Variants in MACROD2 observed in about 807,000 individuals in gnomAD.
The protein encoded by MACROD2 is mono-ADP ribosylhydrolase 2.
Under a neutral mutation model 70.4 loss-of-function variants are expected in MACROD2, and 36 were observed. The ratio of observed to expected loss-of-function variants is 0.51; its 90% CI spans 0.39 to 0.68. The LOEUF (loss-of-function observed/expected upper bound fraction) is 0.68. MACROD2 is among the 30% of genes least tolerant of loss of function. MACROD2 has a pLI of 0.00. For synonymous variants in MACROD2, 172 were observed against 178.8 expected (o/e 0.96, Z 0.30); for missense variants, 496 against 538.4 (o/e 0.92, Z 0.78).
chr20:15,349,449 T>C (rs2078202871), intron 6 of MACROD2, among the ~76,000 whole-genome samples: 1 of 152,094 alleles, frequency 6.6e-6, no homozygotes, highest in South Asian at 2.1e-4. Context: ...ATATCTTTCT[T>C]GGAACACACA....
At chr20:14,844,494 G>A (rs890581144) in intron 5 of MACROD2, among the ~76,000 whole-genome samples, 1 of 151,884 alleles carries the variant, frequency 6.6e-6, no homozygotes, top group Non-Finnish European at 1.5e-5. Flanking sequence ...TCCAGCCTTG[G>A]TGACAGAGCA....
chr20:15,155,715 A>G (rs1347770300), intron 5 of MACROD2, among the ~76,000 whole-genome samples: 1 of 152,194 alleles, frequency 6.6e-6, no homozygotes, highest in Non-Finnish European at 1.5e-5. Context: ...AATACTTAAA[A>G]GAGTTCTTGT....
intron 6 of MACROD2, among the ~76,000 whole-genome samples, chr20:15,351,941 CA>C (rs1174834867): frequency 6.6e-6 from 1 of 152,104 alleles, no homozygotes; most frequent in Non-Finnish European, 1.5e-5. Context: ...CTGGTACAAA[CA>C]GGTGGAAGAC....
chr20:14,491,779 G>A (rs898938182), intron 3 of MACROD2, among the ~76,000 whole-genome samples: 23 of 152,244 alleles, frequency 1.5e-4, no homozygotes, highest in African/African-American at 5.1e-4. Flanking sequence ...ATTTATTATT[G>A]TTGTTGGTTG....
chr20:15,934,908 C>T (rs777716704), intron 11 of MACROD2, among the ~76,000 whole-genome samples: 7 of 151,886 alleles, frequency 4.6e-5, no homozygotes, highest in Non-Finnish European at 8.8e-5. Flanking sequence ...ATGTTGGTCT[C>T]GAATTCCTGA....
intron 7 of MACROD2, among the ~76,000 whole-genome samples, chr20:15,453,710 C>T (rs2046675587): frequency 6.6e-6 from 1 of 152,110 alleles, no homozygotes; most frequent in Non-Finnish European, 1.5e-5. Flanking sequence ...TCAGAGGTGT[C>T]TGAAAACAGT....
intron 4 of MACROD2, among the ~76,000 whole-genome samples, chr20:14,554,894 T>A (rs1054834018): frequency 1.1e-4 from 16 of 152,118 alleles, no homozygotes; most frequent in Non-Finnish European, 8.8e-5. Flanking sequence ...TTTACTCATA[T>A]TAAATGCATG....
intron 3 of MACROD2, among the ~76,000 whole-genome samples, chr20:14,240,881 A>G (rs565720377): frequency 6.6e-6 from 1 of 152,332 alleles, no homozygotes; most frequent in South Asian, 2.1e-4. Context: ...CTGTAATCTC[A>G]GCACTTTGGG....
At chr20:15,474,354 G>A (rs1299520822) in intron 7 of MACROD2, among the ~76,000 whole-genome samples, 2 of 152,092 alleles carry the variant, frequency 1.3e-5, no homozygotes, top group Non-Finnish European at 2.9e-5. Context: ...CTTAATGAGC[G>A]AGGCTTCATG....
chr20:15,943,005 T>A (rs1601181840), intron 12 of MACROD2, among the ~76,000 whole-genome samples: 1 of 152,168 alleles, frequency 6.6e-6, no homozygotes, highest in East Asian at 1.9e-4. Context: ...AATTGCTGTT[T>A]TTGGTATTTA....
At chr20:15,445,847 AAG>A (rs2046558140) in intron 7 of MACROD2, among the ~76,000 whole-genome samples, 1 of 152,168 alleles carries the variant, frequency 6.6e-6, no homozygotes, top group Admixed American at 6.5e-5. Flanking sequence ...TATCAGAACC[AAG>A]ACCAATGTGT....
chr20:15,959,607 G>A (rs963520630), intron 12 of MACROD2, among the ~76,000 whole-genome samples: 2 of 152,112 alleles, frequency 1.3e-5, no homozygotes, highest in African/African-American at 2.4e-5. Context: ...TTGGCTCACC[G>A]CAACCTCCGC....
intron 5 of MACROD2, among the ~76,000 whole-genome samples, chr20:15,089,887 G>T (rs528789322): frequency 6.6e-6 from 1 of 152,248 alleles, no homozygotes; most frequent in East Asian, 1.9e-4. Context: ...CTCATAGGAA[G>T]TTCTTGCCTT....
intron 10 of MACROD2, among the ~76,000 whole-genome samples, chr20:15,928,902 G>A (rs2065531039): frequency 6.6e-6 from 1 of 152,110 alleles, no homozygotes; most frequent in Admixed American, 6.5e-5. Context: ...AATATAGATG[G>A]GGAAATACAA....
At chr20:15,209,412 T>C (rs1418181901) in intron 5 of MACROD2, among the ~76,000 whole-genome samples, 1 of 152,182 alleles carries the variant, frequency 6.6e-6, no homozygotes, top group African/African-American at 2.4e-5. Flanking sequence ...TTTCTGTGAG[T>C]ATTTTAAATA....
intron 5 of MACROD2, among the ~76,000 whole-genome samples, chr20:14,872,738 C>T (rs1181707539): frequency 6.6e-6 from 1 of 151,990 alleles, no homozygotes; most frequent in Non-Finnish European, 1.5e-5. Flanking sequence ...CACTAAGTGA[C>T]TTAGTTTGTT....
intron 8 of MACROD2, among the ~76,000 whole-genome samples, chr20:15,777,294 C>T (rs2051737262): frequency 6.6e-6 from 1 of 152,072 alleles, no homozygotes; most frequent in South Asian, 2.1e-4. Context: ...GCAGCAGCTA[C>T]TCTTCTGTTT....
chr20:14,616,539 C>A (rs1001927351), intron 4 of MACROD2, among the ~76,000 whole-genome samples: 1 of 152,042 alleles, frequency 6.6e-6, no homozygotes, highest in Non-Finnish European at 1.5e-5. Flanking sequence ...TAAGGCCACC[C>A]TCGGTGATTT....
At chr20:16,021,356 C>T in intron 15 of MACROD2, among the ~76,000 whole-genome samples, 1 of 152,130 alleles carries the variant, frequency 6.6e-6, no homozygotes, top group East Asian at 1.9e-4. Flanking sequence ...TAAGGAGACA[C>T]CTAGTTGGAG....
Sources: gnomAD v4.1 joint callset for allele counts (sites outside exome capture counted in the v4.1 genomes callset) on GRCh38, gnomAD v4.1.1 for gene constraint, MANE v1.5 for transcripts, NCBI Gene and HGNC (gene_info 2026-07-23, HGNC 2026-07-21) for gene names.